Variants in COL25A1 observed in about 807,000 individuals in gnomAD.
COL25A1 encodes collagen type XXV alpha 1 chain, also known as collagen alpha-1(XXV) chain.
COL25A1 carries 103 observed loss-of-function variants against 128.4 expected under a neutral mutation model. The ratio of observed to expected loss-of-function variants is 0.80; its 90% CI spans 0.68 to 0.94. COL25A1 has a LOEUF of 0.94. Ranked by LOEUF, COL25A1 falls within the 40% of genes least tolerant of loss-of-function variation. The pLI is 0.00. For synonymous variants in COL25A1, 279 were observed against 277.2 expected, an observed-to-expected ratio of 1.01 and a Z score of -0.06; for missense variants, 745 against 840.0, an observed-to-expected ratio of 0.89 and a Z score of 1.40.
chr4:109,065,176 C>T (rs1185685967), intron 3 of COL25A1, among the ~76,000 whole-genome samples: 1 of 152,180 alleles, frequency 6.6e-6, no homozygotes, highest in Non-Finnish European at 1.5e-5. Context: ...GGGCATGATG[C>T]AGGCACACAA....
chr4:108,987,300 T>C (rs535452034), intron 6 of COL25A1, among the ~76,000 whole-genome samples: 1 of 152,318 alleles, frequency 6.6e-6, no homozygotes, highest in South Asian at 2.1e-4. Flanking sequence ...TTTACTTACG[T>C]CCTTCTTTCT....
chr4:109,013,474 G>A (rs539798538), intron 5 of COL25A1, among the ~76,000 whole-genome samples: 374 of 152,148 alleles, frequency 2.5e-3, no homozygotes, highest in African/African-American at 8.3e-3. Flanking sequence ...CAACTTGCTC[G>A]AGTCCCCTTC....
chr4:109,170,534 G>T (rs914941866), intron 3 of COL25A1, among the ~76,000 whole-genome samples: 2 of 151,998 alleles, frequency 1.3e-5, no homozygotes, highest in Non-Finnish European at 2.9e-5. Context: ...CTGGCTCCTG[G>T]GTAGAAAAGA....
At chr4:108,895,512 G>GA (rs1421703248) in intron 16 of COL25A1, among the ~76,000 whole-genome samples, 8 of 151,934 alleles carry the variant, frequency 5.3e-5, no homozygotes, top group African/African-American at 1.9e-4. Context: ...ATAGACTGAG[G>GA]AAAAATAAGA....
intron 16 of COL25A1, among the ~76,000 whole-genome samples, chr4:108,896,040 G>A (rs2125856110): frequency 6.8e-6 from 1 of 147,378 alleles, no homozygotes; most frequent in Non-Finnish European, 1.5e-5. Context: ...CCACCTCCCA[G>A]GTTCACGCCA....
intron 1 of COL25A1, 34 bp downstream of exon 1, chr4:109,302,135 G>T: frequency 7.5e-7 from 1 of 1,334,160 alleles, no homozygotes; most frequent in Non-Finnish European, 9.9e-7. Context: ...TGCACAACTA[G>T]TTGGTGGAGT....
intron 6 of COL25A1, among the ~76,000 whole-genome samples, chr4:108,992,101 C>T (rs970608014): frequency 1.3e-5 from 2 of 152,076 alleles, no homozygotes; most frequent in Admixed American, 6.6e-5. Context: ...TGCAGTTGTC[C>T]GATGGTACTT....
At chr4:108,919,133 T>C (rs900931966) in intron 12 of COL25A1, among the ~76,000 whole-genome samples, 16 of 152,182 alleles carry the variant, frequency 1.1e-4, no homozygotes, top group Non-Finnish European at 5.9e-5. Flanking sequence ...GGGAAAAGAT[T>C]TTTTAAAATC....
At chr4:108,965,262 T>C (rs553983504) in intron 8 of COL25A1, among the ~76,000 whole-genome samples, 2 of 152,328 alleles carry the variant, frequency 1.3e-5, no homozygotes, top group Admixed American at 1.3e-4. Flanking sequence ...GCAGAGCTTC[T>C]GGGTGGCTTA....
chr4:108,900,671 T>C (rs576157073), intron 14 of COL25A1, among the ~76,000 whole-genome samples: 1 of 152,296 alleles, frequency 6.6e-6, no homozygotes, highest in East Asian at 1.9e-4. Flanking sequence ...TATTCTGCCT[T>C]CATCTGATTA....
At chr4:108,897,086 C>T (rs1049718442) in intron 15 of COL25A1, among the ~76,000 whole-genome samples, 1 of 152,170 alleles carries the variant, frequency 6.6e-6, no homozygotes, top group Non-Finnish European at 1.5e-5. Context: ...AGGCCTTCTT[C>T]ATATCATTCC....
intron 3 of COL25A1, among the ~76,000 whole-genome samples, chr4:109,185,538 T>C (rs1211240609): frequency 6.6e-6 from 1 of 152,242 alleles, no homozygotes; most frequent in Admixed American, 6.5e-5. Flanking sequence ...AGAATTTCTA[T>C]AGCACTATCA....
chr4:109,109,393 A>G (rs1397230162), intron 3 of COL25A1, among the ~76,000 whole-genome samples: 1 of 152,024 alleles, frequency 6.6e-6, no homozygotes, highest in Non-Finnish European at 1.5e-5. Flanking sequence ...TTTCATGTCT[A>G]CCACCATCTT....
intron 3 of COL25A1, among the ~76,000 whole-genome samples, chr4:109,162,183 C>T (rs75226964): frequency 0.084 from 12,777 of 151,958 alleles, 917 homozygotes; most frequent in East Asian, 0.25. Flanking sequence ...AAAGGCTTCC[C>T]GTAGAAGGTT....
chr4:109,256,724 T>C (rs1048952513), intron 3 of COL25A1, among the ~76,000 whole-genome samples: 1 of 152,166 alleles, frequency 6.6e-6, no homozygotes, highest in Non-Finnish European at 1.5e-5. Flanking sequence ...CCACTGTCAT[T>C]ATAGGCGTCT....
chr4:109,155,625 T>C (rs1771954014), intron 3 of COL25A1, among the ~76,000 whole-genome samples: 1 of 152,220 alleles, frequency 6.6e-6, no homozygotes, highest in African/African-American at 2.4e-5. Flanking sequence ...TCTTAGATCA[T>C]ATCCTGTCAT....
At chr4:109,268,144 G>A (rs1053941691) in intron 3 of COL25A1, among the ~76,000 whole-genome samples, 2 of 152,138 alleles carry the variant, frequency 1.3e-5, no homozygotes, top group African/African-American at 2.4e-5. Flanking sequence ...ATTATAAAGA[G>A]CACATTGTTT....
Position 108,812,017 on chromosome 4 carries a change from G to C in COL25A1, c.*1910C>G, listed in dbSNP as rs892961034. On this transcript the variant is annotated 3_prime_UTR_variant, in exon 38 of 38. Transcript: ENST00000399132. ...AGAAATCTTCCCAGAAGATGGCATT[G>C]AGTCAGGAGAGAAATTAAATTCTCT... is the stretch of plus-strand genomic sequence containing the variant. The C allele has an allele frequency of 1.3e-5, 2 of 152,122 alleles. No homozygotes were observed. The highest frequency in any genetic ancestry group is 2.4e-5 in the African/African-American group (1 of 41,426). 9.4% of individuals were successfully genotyped at this position (152,122 alleles called of 1,614,324 possible). A position where few individuals can be genotyped will look rare whatever the true frequency, so the allele number is the denominator to read the frequency against.
At chr4:108,914,405 T>C (rs904499005) in intron 13 of COL25A1, among the ~76,000 whole-genome samples, 1 of 152,182 alleles carries the variant, frequency 6.6e-6, no homozygotes, top group Non-Finnish European at 1.5e-5. Flanking sequence ...ATCAGCCCAC[T>C]GGTGACTGTG....
Sources: allele counts gnomAD v4.1 joint callset (sites outside exome capture counted in the v4.1 genomes callset), GRCh38; gene constraint gnomAD v4.1.1; transcripts MANE v1.5; gene names NCBI Gene and HGNC (gene_info 2026-07-23, HGNC 2026-07-21).